The following NKAIN3 variants were observed in gnomAD, a reference collection of about 807,000 sequenced individuals.
NKAIN3 encodes sodium/potassium-transporting ATPase subunit beta-1-interacting protein 3.
Under a neutral mutation model 30.2 loss-of-function variants are expected in NKAIN3, and 25 were observed. That is an observed-to-expected ratio of 0.83 (90% CI 0.60 to 1.16). The LOEUF is 1.16. Ranked by LOEUF, NKAIN3 falls within the 50% of genes most tolerant of loss-of-function variation. The pLI is 0.00. For missense variants in NKAIN3, 225 were observed against 254.1 expected (o/e 0.89, Z 0.78); for synonymous variants, 91 against 89.6 (o/e 1.02, Z -0.09).
chr8:62,858,631 C>A (rs952212747), intron 4 of NKAIN3, among the ~76,000 whole-genome samples: 15 of 152,216 alleles, frequency 9.9e-5, no homozygotes, highest in Non-Finnish European at 5.9e-5. Flanking sequence ...GCAATCTGGC[C>A]ACATTCTGGC....
chr8:62,949,191 C>T lies in NKAIN3; in HGVS notation c.533-4711C>T, dbSNP rs559050707. ...ACATGTTGTCTCCTGAACAGCAGCACGAGACGAAGGAGAGTCAATTGCCTT... is the reference window on the plus strand; with the variant it reads ...ACATGTTGTCTCCTGAACAGCAGCATGAGACGAAGGAGAGTCAATTGCCTT... On this transcript the variant is annotated intron_variant, in intron 5 of 6. Transcript: ENST00000623646. 1.8e-4 allele frequency among the ~76,000 whole-genome samples: 27 copies of T among 152,270 alleles called. No individual in the cohort carries two copies. In the South Asian group the frequency reaches 5.0e-3, roughly 28 times the overall value.
At chr8:62,429,943 A>T (rs1402142894) in intron 1 of NKAIN3, among the ~76,000 whole-genome samples, 2 of 151,884 alleles carry the variant, frequency 1.3e-5, no homozygotes, top group Non-Finnish European at 2.9e-5. Context: ...CCGTCTCCAT[A>T]ACTCTTTCTA....
At position 62,833,465 on chromosome 8, in the gene NKAIN3, A is replaced by T. The variant is rs536424645; in HGVS notation, c.472-84988A>T. 2.3e-3 allele frequency among the ~76,000 whole-genome samples: 355 copies of T among 152,192 alleles called. 1 individual carries two copies. Among genetic ancestry groups the T allele is most frequent in the Non-Finnish European group, 4.4e-3 (300 of 67,962 alleles). On this transcript the variant is annotated intron_variant, in intron 4 of 6. Coordinates refer to ENST00000623646, the MANE Select transcript of NKAIN3 (RefSeq NM_001304533.3). ...AGAAAAAAAGAAAGAAGGTCCTAAC[A>T]GGCAAAATCAGAAATGACAAAGTTG...
chr8:62,271,105 G>A (rs1027943657), intron 1 of NKAIN3, among the ~76,000 whole-genome samples: 5 of 152,134 alleles, frequency 3.3e-5, no homozygotes, highest in Admixed American at 3.3e-4. Flanking sequence ...GGCTGCTTTA[G>A]TTTTAGTTAG....
intron 1 of NKAIN3, among the ~76,000 whole-genome samples, chr8:62,533,931 T>C (rs1050725667): frequency 6.6e-6 from 1 of 152,158 alleles, no homozygotes; most frequent in Non-Finnish European, 1.5e-5. Context: ...AAACTGGAAC[T>C]GGAATATGAG....
chr8:62,328,396 G>T (rs1261048119), intron 1 of NKAIN3, among the ~76,000 whole-genome samples: 1 of 152,040 alleles, frequency 6.6e-6, no homozygotes, highest in Non-Finnish European at 1.5e-5. Flanking sequence ...CTTAAATGTT[G>T]TAAAATACCT....
At chr8:62,547,942 C>T (rs1360603846) in intron 1 of NKAIN3, among the ~76,000 whole-genome samples, 1 of 152,188 alleles carries the variant, frequency 6.6e-6, no homozygotes. Flanking sequence ...CTGCATTTCT[C>T]TCAAGCTCCC....
At chr8:62,843,137 T>TC (rs1234174848) in intron 4 of NKAIN3, among the ~76,000 whole-genome samples, 1 of 151,562 alleles carries the variant, frequency 6.6e-6, no homozygotes, top group African/African-American at 2.4e-5. Context: ...AATGAGTGGG[T>TC]CATACAGAGG....
intron 5 of NKAIN3, among the ~76,000 whole-genome samples, chr8:62,945,119 A>G (rs1025658762): frequency 6.6e-6 from 1 of 152,204 alleles, no homozygotes. Flanking sequence ...TTTCCCTTAT[A>G]AAGTTTAACT....
At chr8:62,407,655 T>A (rs1804116451) in intron 1 of NKAIN3, among the ~76,000 whole-genome samples, 1 of 152,200 alleles carries the variant, frequency 6.6e-6, no homozygotes, top group Non-Finnish European at 1.5e-5. Flanking sequence ...ATGGTCTCGA[T>A]CTCTTGATCT....
chr8:62,747,605 G>T (rs1224221511), intron 4 of NKAIN3, among the ~76,000 whole-genome samples: 1 of 152,088 alleles, frequency 6.6e-6, no homozygotes, highest in African/African-American at 2.4e-5. Context: ...CTAAAATCTG[G>T]CATCAGAATA....
At chr8:62,905,601 C>T (rs1007299997) in intron 4 of NKAIN3, among the ~76,000 whole-genome samples, 6 of 152,142 alleles carry the variant, frequency 3.9e-5, no homozygotes, top group South Asian at 4.1e-4. Context: ...CTGCTCTGAT[C>T]GGATTTTTGC....
intron 4 of NKAIN3, among the ~76,000 whole-genome samples, chr8:62,807,417 A>G (rs1818331063): frequency 5.9e-5 from 9 of 151,826 alleles, no homozygotes; most frequent in Admixed American, 5.3e-4. Context: ...TATTTACTAT[A>G]TTTTTCACTC....
intron 1 of NKAIN3, among the ~76,000 whole-genome samples, chr8:62,549,609 T>C (rs563345457): frequency 1.3e-5 from 2 of 152,248 alleles, no homozygotes; most frequent in African/African-American, 4.8e-5. Flanking sequence ...GTTTGGCTAA[T>C]GGCAGTAGAT....
chr8:62,394,737 G>A (rs1392905980), intron 1 of NKAIN3, among the ~76,000 whole-genome samples: 2 of 151,740 alleles, frequency 1.3e-5, no homozygotes, highest in Non-Finnish European at 2.9e-5. Context: ...TCACTTCCCA[G>A]ACGGGGTGGC....
At chr8:62,791,641 AG>A (rs1336723287) in intron 4 of NKAIN3, among the ~76,000 whole-genome samples, 1 of 152,092 alleles carries the variant, frequency 6.6e-6, no homozygotes, top group Non-Finnish European at 1.5e-5. Flanking sequence ...GATTGATACC[AG>A]TTATGTTGAA....
intron 2 of NKAIN3, among the ~76,000 whole-genome samples, chr8:62,588,912 T>C (rs1303676687): frequency 6.6e-6 from 1 of 151,954 alleles, no homozygotes; most frequent in Non-Finnish European, 1.5e-5. Context: ...TTTGTCTGCA[T>C]AAAAAAGTGA....
chr8:62,532,744 C>T (rs1808527077), intron 1 of NKAIN3, among the ~76,000 whole-genome samples: 1 of 152,136 alleles, frequency 6.6e-6, no homozygotes, highest in African/African-American at 2.4e-5. Context: ...ATTACTGGAA[C>T]CTGAGACTGA....
chr8:62,815,786 A>G (rs1370039493), intron 4 of NKAIN3, among the ~76,000 whole-genome samples: 1 of 152,130 alleles, frequency 6.6e-6, no homozygotes, highest in African/African-American at 2.4e-5. Flanking sequence ...AAATTCATAA[A>G]TTCTTTATCC....
Sources: allele counts gnomAD v4.1 joint callset (sites outside exome capture counted in the v4.1 genomes callset), GRCh38; gene constraint gnomAD v4.1.1; transcripts MANE v1.5; gene names NCBI Gene and HGNC (gene_info 2026-07-23, HGNC 2026-07-21).